TNFRSF19: variants seen among roughly 807,000 people sequenced by gnomAD.
The protein encoded by TNFRSF19 is tumor necrosis factor receptor superfamily member 19.
In TNFRSF19, 27 loss-of-function variants were observed where a neutral mutation model predicts 46.4. The ratio of observed to expected loss-of-function variants is 0.58; its 90% CI spans 0.43 to 0.80. TNFRSF19 has a LOEUF of 0.80. TNFRSF19 is among the 30% of genes least tolerant of loss of function. The pLI is 0.00. For synonymous variants in TNFRSF19, 204 were observed against 205.0 expected (o/e 1.00, Z 0.04); for missense variants, 511 against 530.8 (o/e 0.96, Z 0.37).
Position 23,593,351 on chromosome 13 carries a change from A to G in TNFRSF19, c.76A>G (p.Lys26Glu). 2.6e-6 allele frequency: 4 copies of G among 1,565,744 alleles called. No individual in the cohort carries two copies. Among genetic ancestry groups the G allele is most frequent in the Non-Finnish European group, 3.4e-6 (4 of 1,164,062 alleles). ...LLVLLGYLSC[K>E]VTCESGDCRQ... ...GTTAAATTTTTTTTTTCAGTCATGT[A>G]AAGTGACTTGTGAATCAGGAGACTG... is the stretch of plus-strand genomic sequence containing the variant. Residue 26 changes from lysine (K) to glutamate (E), a missense_variant, in exon 3 of 10, where the codon AAA becomes GAA. Physicochemically the swap from Lys to Glu is moderately conservative, Grantham distance 56. Transcript: ENST00000248484.
intron 5 of TNFRSF19, among the ~76,000 whole-genome samples, chr13:23,637,332 C>G (rs767188680): frequency 1.3e-5 from 2 of 152,216 alleles, no homozygotes; most frequent in African/African-American, 2.4e-5. Context: ...ATTTTGAGTC[C>G]TAACACTTAA....
intron 9 of TNFRSF19, chr13:23,669,689 G>C: frequency 6.1e-6 from 6 of 985,302 alleles, no homozygotes; most frequent in Non-Finnish European, 7.2e-6. Flanking sequence ...GGTTTGGGTG[G>C]AGCGAGGGTG....
chr13:23,575,767 T>G (rs1877913826), intron 1 of TNFRSF19, among the ~76,000 whole-genome samples: 1 of 152,238 alleles, frequency 6.6e-6, no homozygotes, highest in African/African-American at 2.4e-5. Context: ...GGAATAGTGA[T>G]TTACACTAGA....
intron 3 of TNFRSF19, among the ~76,000 whole-genome samples, chr13:23,594,919 C>T (rs949539194): frequency 6.6e-6 from 1 of 152,322 alleles, no homozygotes; most frequent in East Asian, 1.9e-4. Flanking sequence ...GAGGAAGGAA[C>T]AGGCAGCAGT....
intron 5 of TNFRSF19, among the ~76,000 whole-genome samples, chr13:23,650,793 G>A (rs1006071923): frequency 6.6e-6 from 1 of 152,232 alleles, no homozygotes; most frequent in East Asian, 1.9e-4. Flanking sequence ...AGAGCAAACA[G>A]AACAAGCTTT....
chr13:23,643,313 G>A (rs1239470984), intron 5 of TNFRSF19, among the ~76,000 whole-genome samples: 1 of 152,208 alleles, frequency 6.6e-6, no homozygotes, highest in Non-Finnish European at 1.5e-5. Context: ...GAAAGCTCTT[G>A]TGAATGCAGT....
chr13:23,640,539 AG>A (rs1882976297), intron 5 of TNFRSF19, among the ~76,000 whole-genome samples: 1 of 152,202 alleles, frequency 6.6e-6, no homozygotes. Context: ...TATAAATGCT[AG>A]GCTGGGCCAG....
chr13:23,609,001 C>A (rs369730486), intron 3 of TNFRSF19, among the ~76,000 whole-genome samples: 2 of 152,178 alleles, frequency 1.3e-5, no homozygotes, highest in African/African-American at 4.8e-5. Context: ...TCTGAGCAGG[C>A]GCCTCTCGCT....
At chr13:23,588,202 G>A (rs1878980447) in intron 1 of TNFRSF19, among the ~76,000 whole-genome samples, 1 of 152,192 alleles carries the variant, frequency 6.6e-6, no homozygotes, top group Non-Finnish European at 1.5e-5. Flanking sequence ...CCCATTTAGA[G>A]ATGAGGAAAC....
chr13:23,603,149 G>A (rs183541347), intron 3 of TNFRSF19, among the ~76,000 whole-genome samples: 216 of 152,108 alleles, frequency 1.4e-3, no homozygotes, highest in Middle Eastern at 3.4e-3. Flanking sequence ...ACTAATATCA[G>A]TAATGAAAGC....
intron 3 of TNFRSF19, among the ~76,000 whole-genome samples, chr13:23,610,160 A>T (rs1425857086): frequency 6.6e-6 from 1 of 152,256 alleles, no homozygotes; most frequent in East Asian, 1.9e-4. Context: ...CACTGGCTGT[A>T]CAAATAAATA....
chr13:23,624,623 T>C (rs1881870160), intron 4 of TNFRSF19, among the ~76,000 whole-genome samples: 1 of 152,152 alleles, frequency 6.6e-6, no homozygotes, highest in Non-Finnish European at 1.5e-5. Context: ...ATTTTTGTCA[T>C]AGAAAATTTA....
At chr13:23,635,176 G>A (rs1310815535) in intron 5 of TNFRSF19, among the ~76,000 whole-genome samples, 1 of 151,958 alleles carries the variant, frequency 6.6e-6, no homozygotes, top group Admixed American at 6.6e-5. Flanking sequence ...CCGAGGGACA[G>A]GATTAAGAGA....
At chr13:23,618,853 A>G (rs976899319) in intron 4 of TNFRSF19, among the ~76,000 whole-genome samples, 1 of 152,202 alleles carries the variant, frequency 6.6e-6, no homozygotes, top group African/African-American at 2.4e-5. Flanking sequence ...TTAGGTCATG[A>G]TGGGCCCTCC....
chr13:23,622,081 A>G (rs920725951), intron 4 of TNFRSF19, among the ~76,000 whole-genome samples: 1 of 152,080 alleles, frequency 6.6e-6, no homozygotes, highest in Admixed American at 6.5e-5. Context: ...CTTTCTAAAT[A>G]GCATTTCTTA....
intron 1 of TNFRSF19, among the ~76,000 whole-genome samples, chr13:23,582,387 C>T (rs895489874): frequency 4.0e-5 from 6 of 151,572 alleles, no homozygotes; most frequent in African/African-American, 1.2e-4. Context: ...GGCAACAGTG[C>T]GAGACTCCGT....
intron 5 of TNFRSF19, among the ~76,000 whole-genome samples, chr13:23,638,834 G>C (rs183470585): frequency 2.4e-4 from 36 of 152,212 alleles, no homozygotes; most frequent in African/African-American, 7.7e-4. Context: ...CTGTCCCTGG[G>C]CTGCCGGGTG....
chr13:23,612,147 C>T (rs1018438914), intron 3 of TNFRSF19, among the ~76,000 whole-genome samples: 5 of 152,198 alleles, frequency 3.3e-5, no homozygotes, highest in Non-Finnish European at 7.4e-5. Context: ...ATGATCTCGG[C>T]CAGGGTGGTG....
intron 1 of TNFRSF19, among the ~76,000 whole-genome samples, chr13:23,583,984 T>C (rs1043861427): frequency 4.6e-5 from 7 of 152,250 alleles, no homozygotes; most frequent in African/African-American, 1.7e-4. Flanking sequence ...GCAAAGATGA[T>C]AAAATGTACA....
Sources: gnomAD v4.1 joint callset for allele counts (sites outside exome capture counted in the v4.1 genomes callset) on GRCh38, gnomAD v4.1.1 for gene constraint, MANE v1.5 for transcripts, NCBI Gene and HGNC (gene_info 2026-07-23, HGNC 2026-07-21) for gene names.